SKAP1: variants seen among roughly 807,000 people sequenced by gnomAD.
The protein encoded by SKAP1 is src kinase-associated phosphoprotein 1.
In SKAP1, 44 loss-of-function variants were observed where a neutral mutation model predicts 58.5. The observed-to-expected ratio is 0.75, with a 90% CI of 0.59 to 0.97. SKAP1 has a LOEUF of 0.97. Among genes scored for constraint, SKAP1 ranks in the 50% least tolerant of loss-of-function variants. The pLI is 0.00. For missense variants in SKAP1, 390 were observed against 435.2 expected (o/e 0.90, Z 0.92); for synonymous variants, 127 against 149.7 (o/e 0.85, Z 1.11).
At chr17:48,224,528 T>C (rs2065045854) in intron 4 of SKAP1, among the ~76,000 whole-genome samples, 1 of 152,238 alleles carries the variant, frequency 6.6e-6, no homozygotes, top group Non-Finnish European at 1.5e-5. Context: ...TATTCTTCTA[T>C]TGACTGAACT....
Position 48,359,446 on chromosome 17 carries a change from G to A in SKAP1, c.178+4343C>T, listed in dbSNP as rs185103851. Reference sequence around the variant, plus strand: ...TGTTCAAATTTCTAATTCTCTCATAGATGTCATTTTTTAATAGTTTGCTTG... The same window carrying A: ...TGTTCAAATTTCTAATTCTCTCATAAATGTCATTTTTTAATAGTTTGCTTG... On this transcript the variant is annotated intron_variant, in intron 3 of 12. Coordinates refer to ENST00000336915, the MANE Select transcript of SKAP1 (RefSeq NM_003726.4). Among the ~76,000 whole-genome samples the A allele has an allele frequency of 4.7e-4, 71 of 152,192 alleles. 1 individual carries two copies. The highest frequency in any genetic ancestry group is 1.3e-3 in the Admixed American group (20 of 15,292).
At chr17:48,146,148 G>C (rs892410921) in intron 11 of SKAP1, among the ~76,000 whole-genome samples, 1 of 152,100 alleles carries the variant, frequency 6.6e-6, no homozygotes, top group Admixed American at 6.6e-5. Flanking sequence ...CTTTGGCCCA[G>C]GGTGGGTATC....
chr17:48,442,858 C>T, the SKAP1 span, among the ~76,000 whole-genome samples: 1 of 152,138 alleles, frequency 6.6e-6, no homozygotes, highest in East Asian at 1.9e-4. Context: ...CTGCCCATGC[C>T]TCTTTCCTAA....
At chr17:48,158,575 A>AAAAAAAG (rs1477429924) in intron 11 of SKAP1, among the ~76,000 whole-genome samples, 8 of 149,206 alleles carry the variant, frequency 5.4e-5, no homozygotes, top group African/African-American at 2.0e-4. Flanking sequence ...CTCAAAAAAA[A>AAAAAAAG]AAAAAAAAAG....
chr17:48,365,008 C>A (rs7213899), intron 2 of SKAP1, among the ~76,000 whole-genome samples: 4,318 of 152,210 alleles, frequency 0.028, 222 homozygotes, highest in African/African-American at 0.1. Context: ...CTCAGCCTCC[C>A]ATGTAGCTGG....
In SKAP1 at chr17:48,137,283, CAA is replaced by C; in HGVS notation, c.1031_1032del (p.Ile344SerfsTer11). 1 of 1,613,906 alleles carries C rather than the reference CAA, an allele frequency of 6.2e-7. No homozygotes were observed. Among genetic ancestry groups the C allele is most frequent in the Non-Finnish European group, 8.5e-7 (1 of 1,179,820 alleles). ...GCAGTGGTGAGATACTCCTTTGGAA[CAA>C]TCCCAACGAGGCTGTTCAGTTCTCC... ...WVGELNSLVG[I>X]VPKEYLTTAF... On this transcript the variant is annotated frameshift_variant, in exon 12 of 13. Transcript: ENST00000336915. LOFTEE classifies it high-confidence loss of function.
At chr17:48,417,722 G>A (rs980740943) in intron 1 of SKAP1, among the ~76,000 whole-genome samples, 61 of 148,072 alleles carry the variant, frequency 4.1e-4, no homozygotes, top group Non-Finnish European at 2.1e-4. Flanking sequence ...TACAGCCTGA[G>A]TGACAGAGCG....
chr17:48,335,937 A>C (rs1654695271), intron 4 of SKAP1, among the ~76,000 whole-genome samples: 1 of 152,200 alleles, frequency 6.6e-6, no homozygotes. Flanking sequence ...GCGTACGCAC[A>C]GATACATATA....
intron 11 of SKAP1, among the ~76,000 whole-genome samples, chr17:48,139,644 C>T (rs1434114454): frequency 6.6e-6 from 1 of 152,102 alleles, no homozygotes; most frequent in Non-Finnish European, 1.5e-5. Context: ...AATTCAGAGT[C>T]CCTAGCATTA....
intron 11 of SKAP1, among the ~76,000 whole-genome samples, chr17:48,161,689 C>T (rs1489620663): frequency 6.6e-6 from 1 of 152,218 alleles, no homozygotes; most frequent in Non-Finnish European, 1.5e-5. Context: ...ATTGAATTCA[C>T]TCTCTTGGCC....
At chr17:48,418,736 A>C (rs1334082655) in intron 1 of SKAP1, among the ~76,000 whole-genome samples, 1 of 152,250 alleles carries the variant, frequency 6.6e-6, no homozygotes, top group African/African-American at 2.4e-5. Flanking sequence ...AAATTGTGGA[A>C]TATTCACACA....
At chr17:48,344,182 T>G (rs987820166) in intron 4 of SKAP1, 1 of 339,670 alleles carries the variant, frequency 2.9e-6, no homozygotes, top group Non-Finnish European at 4.2e-6. Context: ...AACTGCTATT[T>G]AAAAAAAATT....
At chr17:48,330,113 TG>T (rs2066486314) in intron 4 of SKAP1, among the ~76,000 whole-genome samples, 1 of 152,222 alleles carries the variant, frequency 6.6e-6, no homozygotes, top group East Asian at 1.9e-4. Flanking sequence ...TTTTGCAGGA[TG>T]GTAGTATTTA....
chr17:48,416,385 A>C (rs1016339633), intron 1 of SKAP1, among the ~76,000 whole-genome samples: 2 of 152,126 alleles, frequency 1.3e-5, no homozygotes, highest in South Asian at 4.1e-4. Context: ...TGTGGAGGAG[A>C]AGAGGAAAGG....
chr17:48,215,506 G>A (rs1381087048), intron 4 of SKAP1, among the ~76,000 whole-genome samples: 1 of 152,186 alleles, frequency 6.6e-6, no homozygotes, highest in Non-Finnish European at 1.5e-5. Context: ...TTGGGCAGAC[G>A]GAGGCTTTGG....
chr17:48,292,782 C>A (rs2065914238), intron 4 of SKAP1, among the ~76,000 whole-genome samples: 1 of 152,286 alleles, frequency 6.6e-6, no homozygotes, highest in African/African-American at 2.4e-5. Context: ...TACTCTTATG[C>A]TGTTGAATTT....
chr17:48,209,618 C>A (rs757325353), intron 4 of SKAP1, among the ~76,000 whole-genome samples: 6 of 152,170 alleles, frequency 3.9e-5, no homozygotes, highest in Non-Finnish European at 5.9e-5. Flanking sequence ...AATGTGCTCT[C>A]TTAACATGAG....
intron 1 of SKAP1, among the ~76,000 whole-genome samples, chr17:48,406,038 G>A (rs1014215033): frequency 3.9e-5 from 6 of 151,970 alleles, no homozygotes; most frequent in Non-Finnish European, 7.4e-5. Flanking sequence ...AGGCCAAGGC[G>A]GGTAGATCAC....
At chr17:48,391,099 C>CT (rs2067339182) in intron 2 of SKAP1, among the ~76,000 whole-genome samples, 1 of 151,772 alleles carries the variant, frequency 6.6e-6, no homozygotes, top group African/African-American at 2.4e-5. Context: ...TAACTAACAA[C>CT]AACAACAACA....
Sources: allele counts gnomAD v4.1 joint callset (sites outside exome capture counted in the v4.1 genomes callset), GRCh38; gene constraint gnomAD v4.1.1; transcripts MANE v1.5; gene names NCBI Gene and HGNC (gene_info 2026-07-23, HGNC 2026-07-21).